The following SRGAP2C variants were observed in gnomAD, a reference collection of about 807,000 sequenced individuals.
The protein encoded by SRGAP2C is SLIT-ROBO Rho GTPase activating protein 2C, also known as SLIT-ROBO Rho GTPase-activating protein 2C.
In SRGAP2C, 15 loss-of-function variants were observed where a neutral mutation model predicts 25.1. The observed-to-expected ratio is 0.60, with a 90% CI of 0.40 to 0.92. The LOEUF (loss-of-function observed/expected upper bound fraction) is 0.92, where lower values mean the gene tolerates loss of function less well. Ranked by LOEUF, SRGAP2C falls within the 40% of genes least tolerant of loss-of-function variation. SRGAP2C has a pLI of 0.00. For synonymous variants in SRGAP2C, 44 were observed against 96.6 expected (o/e 0.46, Z 3.19); for missense variants, 144 against 264.4 (o/e 0.54, Z 3.16).
At chr1:121,202,327 C>A (rs1655004885) in intron 2 of SRGAP2C, among the ~76,000 whole-genome samples, 1 of 152,162 alleles carries the variant, frequency 6.6e-6, no homozygotes, top group South Asian at 2.1e-4. Context: ...CCTGTCCCCT[C>A]CCCTCCTCAC....
intron 2 of SRGAP2C, among the ~76,000 whole-genome samples, chr1:121,265,769 G>A: frequency 6.6e-6 from 1 of 151,422 alleles, no homozygotes; most frequent in East Asian, 1.9e-4. Flanking sequence ...AAGCCAATTT[G>A]GATATGTTTA....
At chr1:121,360,776 T>C (rs1249136017) in intron 4 of SRGAP2C, 1 of 135,366 alleles carries the variant, frequency 7.4e-6, no homozygotes, top group Non-Finnish European at 1.6e-5. Flanking sequence ...TGTATGGTGG[T>C]GCTTCTGCTG....
chr1:121,192,017 G>C (rs1654695831), intron 2 of SRGAP2C, among the ~76,000 whole-genome samples: 1 of 151,116 alleles, frequency 6.6e-6, no homozygotes, highest in Admixed American at 6.6e-5. Context: ...CCTTTGCTTG[G>C]AACAGTTTAA....
intron 3 of SRGAP2C, among the ~76,000 whole-genome samples, chr1:121,314,428 T>C (rs1169954421): frequency 6.6e-6 from 1 of 152,218 alleles, no homozygotes; most frequent in Non-Finnish European, 1.5e-5. Context: ...TCTCAGCTCG[T>C]CAAAATCATT....
intron 9 of SRGAP2C, among the ~76,000 whole-genome samples, 188 bp from the exon 10 acceptor site, chr1:121,387,444 TAG>T (rs1219878594): frequency 1.5e-5 from 2 of 134,964 alleles, no homozygotes; most frequent in African/African-American, 5.6e-5. Context: ...GTTTTCACTG[TAG>T]AGAGTAGCAT....
At chr1:121,208,258 A>G (rs587622588) in intron 2 of SRGAP2C, among the ~76,000 whole-genome samples, 23 of 152,248 alleles carry the variant, frequency 1.5e-4, no homozygotes, top group Admixed American at 5.2e-4. Context: ...TGTTAAAGTG[A>G]ATCACCTGTT....
At chr1:121,372,273 T>C (rs1479233171) in intron 5 of SRGAP2C, among the ~76,000 whole-genome samples, 5 of 152,196 alleles carry the variant, frequency 3.3e-5, no homozygotes, top group Admixed American at 6.5e-5. Flanking sequence ...ACAAAGTCTT[T>C]CTAAGCTAGA....
intron 2 of SRGAP2C, among the ~76,000 whole-genome samples, chr1:121,270,973 T>A (rs1450273809): frequency 6.0e-5 from 9 of 151,116 alleles, no homozygotes; most frequent in African/African-American, 2.2e-4. Context: ...TTTTGTATTT[T>A]TTTTTAGTAG....
At chr1:121,289,105 C>A (rs1231012768) in intron 3 of SRGAP2C, among the ~76,000 whole-genome samples, 2 of 144,594 alleles carry the variant, frequency 1.4e-5, no homozygotes, top group Non-Finnish European at 3.0e-5. Context: ...TGTGCGCTCG[C>A]ATTCCTCAGC....
intron 2 of SRGAP2C, among the ~76,000 whole-genome samples, chr1:121,213,660 G>A (rs587708308): frequency 0.027 from 1,756 of 65,630 alleles, 518 homozygotes; most frequent in Non-Finnish European, 0.037. Context: ...CTGTGCTCCC[G>A]GGCTGGGGTG....
chr1:121,347,425 A>G (rs1193510368), intron 4 of SRGAP2C, among the ~76,000 whole-genome samples: 7 of 138,280 alleles, frequency 5.1e-5, no homozygotes, highest in African/African-American at 8.3e-5. Context: ...ATGCTTCTAA[A>G]TGTCTACATA....
chr1:121,199,570 C>T lies in SRGAP2C; in HGVS notation c.67+12057C>T. Among the ~76,000 whole-genome samples, 2 of 78,506 alleles carry T rather than the reference C, an allele frequency of 2.5e-5. 1 individual carries two copies. Among genetic ancestry groups the T allele is most frequent in the Middle Eastern group, 0.01 (2 of 200 alleles). The allele number at this position is 78,506 out of a possible 152,430, so 51.5% of individuals were successfully genotyped here. On this transcript the variant is annotated intron_variant, in intron 2 of 9. Transcript: ENST00000367123. ...CTTTGGGAGGCCGAGGCAGGCAGAT[C>T]ACCTAAGGTCAGGAGTTCAAGACCA... is the stretch of plus-strand genomic sequence containing the variant.
intron 2 of SRGAP2C, among the ~76,000 whole-genome samples, chr1:121,275,419 G>C (rs369681876): frequency 3.1e-5 from 3 of 97,752 alleles, no homozygotes; most frequent in East Asian, 3.0e-4. Flanking sequence ...TCCCAGAGGA[G>C]CTGCTGGTCT....
intron 4 of SRGAP2C, among the ~76,000 whole-genome samples, chr1:121,359,295 ATG>A (rs1659129818): frequency 9.1e-6 from 1 of 109,634 alleles, no homozygotes; most frequent in South Asian, 3.7e-4. Flanking sequence ...CCTGTGTATA[ATG>A]ACTCATTAAT....
chr1:121,201,824 A>T (rs1166698302), intron 2 of SRGAP2C, among the ~76,000 whole-genome samples: 3 of 152,236 alleles, frequency 2.0e-5, no homozygotes, highest in African/African-American at 7.2e-5. Context: ...GCAGCAAAGC[A>T]ACTGCGTGTA....
rs1553329291 is a variant in SRGAP2C at position 121,239,202 on chromosome 1, A to ATAG, written c.68-45599_68-45598insGTA. The stretch of plus-strand genomic sequence containing the variant: ...ACTATATATATATATATATATATAT[A>ATAG]TATATATATATATATATATATATAT... On this transcript the variant is annotated intron_variant, in intron 2 of 9. Transcript: ENST00000367123. Among the ~76,000 whole-genome samples, 3 of 4,088 alleles carry ATAG rather than the reference A, an allele frequency of 7.3e-4. No homozygotes were observed. In the East Asian group the frequency reaches 0.25, roughly 341 times the overall value. The allele number at this position is 4,088 out of a possible 152,430, so 2.7% of individuals were successfully genotyped here.
intron 2 of SRGAP2C, among the ~76,000 whole-genome samples, chr1:121,195,285 C>T (rs1654802591): frequency 6.6e-6 from 1 of 151,932 alleles, no homozygotes. Context: ...TGGTGGGTGC[C>T]TGTAATCCCA....
At chr1:121,363,936 CTTA>C (rs1558129194) in intron 4 of SRGAP2C, among the ~76,000 whole-genome samples, 1 of 151,532 alleles carries the variant, frequency 6.6e-6, no homozygotes, top group Non-Finnish European at 1.5e-5. Flanking sequence ...TTCTAGTTTC[CTTA>C]TTATAATAAA....
intron 3 of SRGAP2C, among the ~76,000 whole-genome samples, chr1:121,320,987 C>T (rs1383577296): frequency 1.3e-5 from 2 of 152,180 alleles, no homozygotes; most frequent in Non-Finnish European, 2.9e-5. Flanking sequence ...CTCACCTGTA[C>T]AGCTTTATTG....
Sources: gnomAD v4.1 joint callset for allele counts (sites outside exome capture counted in the v4.1 genomes callset) on GRCh38, gnomAD v4.1.1 for gene constraint, MANE v1.5 for transcripts, NCBI Gene and HGNC (gene_info 2026-07-23, HGNC 2026-07-21) for gene names.